SSBP3: variants seen among roughly 807,000 people sequenced by gnomAD.
The protein encoded by SSBP3 is single-stranded DNA-binding protein 3.
In SSBP3, 5 loss-of-function variants were observed where a neutral mutation model predicts 69.6. That is an observed-to-expected ratio of 0.07 (90% CI 0.04 to 0.15). The LOEUF is 0.15. SSBP3 is among the 10% of genes least tolerant of loss of function. The probability of loss-of-function intolerance (pLI) is 1.00; values close to 1 mark genes in which losing one functional copy is unlikely to be tolerated. For synonymous variants in SSBP3, 196 were observed against 193.4 expected (o/e 1.01, Z -0.11); for missense variants, 312 against 534.0 (o/e 0.58, Z 4.10).
intron 7 of SSBP3, chr1:54,255,659 C>CT (rs1471132961): frequency 6.6e-6 from 1 of 152,060 alleles, no homozygotes; most frequent in Non-Finnish European, 1.5e-5. Context: ...AGCTGGGTCT[C>CT]TAATTCCTCT....
Position 54,226,939 on chromosome 1 carries a change from G to A in SSBP3, c.*192C>T, listed in dbSNP as rs1644294372. On this transcript the variant is annotated 3_prime_UTR_variant, in exon 18 of 18. Coordinates refer to ENST00000610401, the Ensembl canonical transcript of SSBP3. ...TCCTTCTTGTTTTATGGAATAAAAA[G>A]TTTGGCCTTTTTATTGCATGAAACT... The A allele has an allele frequency of 4.9e-6, 3 of 609,862 alleles. No individual in the cohort carries two copies. The Admixed American group carries it at 8.2e-5, about 17-fold the overall frequency. 37.8% of individuals were successfully genotyped at this position (609,862 alleles called of 1,614,324 possible). A position where few individuals can be genotyped will look rare whatever the true frequency, so the allele number is the denominator to read the frequency against.
chr1:54,328,260 A>G (rs556203848), intron 4 of SSBP3, among the ~76,000 whole-genome samples: 44 of 152,320 alleles, frequency 2.9e-4, no homozygotes, highest in Middle Eastern at 3.4e-3. Flanking sequence ...CAAGGAACAC[A>G]CGCACGACCC....
chr1:54,281,655 T>A, intron 4 of SSBP3, 128 bp from the exon 5 acceptor site: 1 of 840,818 alleles, frequency 1.2e-6, no homozygotes. Flanking sequence ...GGCCACTTTC[T>A]ACTTAAAGCC....
chr1:54,241,329 G>T, intron 12 of SSBP3, 145 bp downstream of exon 12: 2 of 978,692 alleles, frequency 2.0e-6, no homozygotes, highest in South Asian at 1.4e-5. Context: ...ACAGATGACT[G>T]AATATTGACA....
intron 4 of SSBP3, among the ~76,000 whole-genome samples, chr1:54,393,874 C>G (rs1327065790): frequency 6.6e-6 from 1 of 152,208 alleles, no homozygotes; most frequent in Non-Finnish European, 1.5e-5. Flanking sequence ...ATTCTCCTGC[C>G]TCAGCCTCCA....
chr1:54,398,346 A>T (rs374646922), intron 4 of SSBP3, among the ~76,000 whole-genome samples: 3 of 152,254 alleles, frequency 2.0e-5, no homozygotes, highest in African/African-American at 7.2e-5. Flanking sequence ...TCTTTGGCTC[A>T]AAGGCCACTC....
intron 4 of SSBP3, among the ~76,000 whole-genome samples, chr1:54,282,634 A>C (rs1180118347): frequency 2.0e-5 from 3 of 152,188 alleles, no homozygotes; most frequent in African/African-American, 7.2e-5. Flanking sequence ...GTGCTCACAC[A>C]GGCGGGGCGG....
chr1:54,240,775 G>A, intron 13 of SSBP3, 130 bp downstream of exon 13: 20 of 1,203,410 alleles, frequency 1.7e-5, no homozygotes, highest in Non-Finnish European at 2.3e-5. Flanking sequence ...AATGCCCAGT[G>A]GAAGATGTGC....
intron 5 of SSBP3, among the ~76,000 whole-genome samples, chr1:54,277,735 G>A (rs11206315): frequency 0.17 from 25,196 of 152,110 alleles, 2,188 homozygotes; most frequent in East Asian, 0.32. Flanking sequence ...GCCCTCTTGT[G>A]AGTCCCGTTT....
At chr1:54,286,674 C>A (rs1645495554) in intron 4 of SSBP3, 1 of 152,366 alleles carries the variant, frequency 6.6e-6, no homozygotes, top group Non-Finnish European at 1.5e-5. Context: ...CACCACCAGT[C>A]CCACCCTAGG....
exon 18 of SSBP3, chr1:54,225,471 A>T: frequency 8.4e-7 from 1 of 1,188,796 alleles, no homozygotes; most frequent in Non-Finnish European, 1.1e-6. Context: ...CGTTATCAAC[A>T]TATATCGTAC....
In SSBP3 at chr1:54,258,576, G is replaced by A. The variant is rs938489085; in HGVS notation, c.367-427C>T. On this transcript the variant is annotated intron_variant, in intron 5 of 17. Coordinates refer to ENST00000610401, the Ensembl canonical transcript of SSBP3. This position sits in a 1 kb window ranked among gnomAD's most constrained non-coding sequence, Gnocchi z 4.5. The stretch of plus-strand genomic sequence containing the variant: ...TTGCACGGGAGGTGGGGAAAGATCG[G>A]GAAGGGCCCTGCCCTCAAGGAGCTC... Among the ~76,000 whole-genome samples the A allele has an allele frequency of 4.6e-5, 7 of 152,204 alleles. No individual in the cohort carries two copies. The highest frequency in any genetic ancestry group is 7.3e-5 in the Non-Finnish European group (5 of 68,030).
chr1:54,321,559 A>G (rs1569799703), intron 4 of SSBP3, among the ~76,000 whole-genome samples: 1 of 152,258 alleles, frequency 6.6e-6, no homozygotes, highest in Non-Finnish European at 1.5e-5. Flanking sequence ...CTCAGGCCAG[A>G]GGCCTGGGAA....
intron 4 of SSBP3, among the ~76,000 whole-genome samples, chr1:54,356,993 C>A (rs927770255): frequency 4.6e-5 from 7 of 152,272 alleles, no homozygotes; most frequent in Non-Finnish European, 5.9e-5. Context: ...TAGAGCCCCT[C>A]ACCTCACTCC....
chr1:54,380,911 G>A (rs905885412), intron 4 of SSBP3, among the ~76,000 whole-genome samples: 2 of 151,866 alleles, frequency 1.3e-5, no homozygotes, highest in Non-Finnish European at 2.9e-5. Context: ...GCTTAAGGCC[G>A]GAAGTTTGAG....
chr1:54,237,524 A>C (rs664696), intron 14 of SSBP3: 85,829 of 151,584 alleles, frequency 0.57, 25,079 homozygotes, highest in South Asian at 0.73. Context: ...TCCATATGCC[A>C]TTTCTCACAT....
At chr1:54,272,843 C>T (rs532588435) in intron 5 of SSBP3, among the ~76,000 whole-genome samples, 1 of 152,372 alleles carries the variant, frequency 6.6e-6, no homozygotes, top group South Asian at 2.1e-4. Context: ...CAGCTACTGA[C>T]ACCCATCCTT....
intron 4 of SSBP3, among the ~76,000 whole-genome samples, chr1:54,303,118 G>A (rs1198136214): frequency 6.6e-6 from 1 of 152,202 alleles, no homozygotes; most frequent in Non-Finnish European, 1.5e-5. Flanking sequence ...GAGGCACACC[G>A]CGCTAATTAC....
Position 54,239,061 on chromosome 1 carries a change from T to C in SSBP3, c.927+68A>G, listed in dbSNP as rs778255331. The C allele has an allele frequency of 3.0e-6, 4 of 1,346,294 alleles. No individual in the cohort carries two copies. The East Asian group carries it at 6.9e-5, about 23-fold the overall frequency. The allele number at this position is 1,346,294 out of a possible 1,614,324, so 83.4% of individuals were successfully genotyped here. On this transcript the variant is annotated intron_variant, in intron 14 of 17. Coordinates refer to ENST00000610401, the Ensembl canonical transcript of SSBP3. ...GAAATCAATTAAACTTGCTTTCCCC[T>C]CAGCTGATGAAGTTAATTATGATTT...
Sources: gnomAD v4.1 joint callset for allele counts (sites outside exome capture counted in the v4.1 genomes callset) on GRCh38, gnomAD v4.1.1 for gene constraint, Gnocchi (gnomAD v3.1) non-coding constraint, MANE v1.5 for transcripts, NCBI Gene and HGNC (gene_info 2026-07-23, HGNC 2026-07-21) for gene names.